Variants in MMD2 observed in about 807,000 individuals in gnomAD.
MMD2 encodes the protein monocyte to macrophage differentiation associated 2, also known as monocyte to macrophage differentiation factor 2.
In MMD2, 30 loss-of-function variants were observed where a neutral mutation model predicts 33.5. That is an observed-to-expected ratio of 0.90 (90% CI 0.67 to 1.22). The LOEUF is 1.22. MMD2 is among the 50% of genes most tolerant of loss of function. The pLI is 0.00. For synonymous variants in MMD2, 129 were observed against 123.0 expected (o/e 1.05, Z -0.32); for missense variants, 364 against 325.4 (o/e 1.12, Z -0.91).
chr7:4,957,115 G>C (rs1295264191), intron 1 of MMD2, among the ~76,000 whole-genome samples: 1 of 151,164 alleles, frequency 6.6e-6, no homozygotes. Flanking sequence ...GCAGTGAGCT[G>C]AGATCACGCC....
chr7:4,951,343 G>A (rs564289922), intron 1 of MMD2, among the ~76,000 whole-genome samples: 125 of 152,036 alleles, frequency 8.2e-4, no homozygotes, highest in African/African-American at 1.4e-3. Context: ...AACAGTGGTC[G>A]GGTGTGCTCG....
Position 4,959,115 on chromosome 7 carries a change from G to C in MMD2, c.-98C>G. ...GCGGCAGCAGCAGGTTGGAGGGCGC[G>C]CGGCGGGGGCCAAGGGGACCTGGTC... On this transcript the variant is annotated 5_prime_UTR_variant, in exon 1 of 7. Transcript: ENST00000401401. The C allele has an allele frequency of 2.0e-6, 2 of 1,002,224 alleles. No individual in the cohort carries two copies. The highest frequency in any genetic ancestry group is 2.6e-6 in the Non-Finnish European group (2 of 776,086). The allele number at this position is 1,002,224 out of a possible 1,614,324, so 62.1% of individuals were successfully genotyped here. A position where few individuals can be genotyped will look rare whatever the true frequency, so the allele number is the denominator to read the frequency against.
At chr7:4,951,491 C>A (rs890679079) in intron 1 of MMD2, among the ~76,000 whole-genome samples, 1 of 152,110 alleles carries the variant, frequency 6.6e-6, no homozygotes, top group Non-Finnish European at 1.5e-5. Flanking sequence ...CTGGAAAACT[C>A]CTATTCATCC....
intron 4 of MMD2, 33 bp downstream of exon 4, chr7:4,915,972 C>G: frequency 6.2e-7 from 1 of 1,606,312 alleles, no homozygotes; most frequent in Non-Finnish European, 8.5e-7. Flanking sequence ...GAAAGGCCGC[C>G]AAGGGTTTGC....
Position 4,939,259 on chromosome 7 carries a change from C to G in MMD2, c.48-13727G>C, listed in dbSNP as rs1785835473. 3.3e-5 allele frequency among the ~76,000 whole-genome samples: 5 copies of G among 150,422 alleles called. No homozygotes were observed. The Admixed American group carries it at 3.3e-4, about 10-fold the overall frequency. ...GGGGAGGTGCTAGGTAAAAGGAATC[C>G]TGGAGGCTGGGCCCGGTGGCTCGTG... is the stretch of plus-strand genomic sequence containing the variant. On this transcript the variant is annotated intron_variant, in intron 1 of 6. Transcript: ENST00000401401.
At chr7:4,900,392 G>A in the MMD2 span, among the ~76,000 whole-genome samples, 1 of 152,094 alleles carries the variant, frequency 6.6e-6, no homozygotes, top group Admixed American at 6.6e-5. Flanking sequence ...AAAAAGGGAT[G>A]GTGTGCAGAG....
rs950894617 is a variant in MMD2, at chr7:4,946,660, C to T, written c.47+12311G>A. Among the ~76,000 whole-genome samples the T allele has an allele frequency of 6.6e-6, 1 of 152,146 alleles. No homozygotes were observed. The highest frequency in any genetic ancestry group is 2.4e-5 in the African/African-American group (1 of 41,432). On this transcript the variant is annotated intron_variant, in intron 1 of 6. Coordinates refer to ENST00000401401, the MANE Select transcript of MMD2 (RefSeq NM_198403.4). The surrounding 1 kb of genome is among the most constrained non-coding windows in gnomAD (Gnocchi z 5.0). ...GCCCTCATGGATCAACCTAGCACCA[C>T]GGGTGGCAGGTCTACCAGATATCTC...
chr7:4,942,598 T>C (rs1785940117), intron 1 of MMD2, among the ~76,000 whole-genome samples: 1 of 149,582 alleles, frequency 6.7e-6, no homozygotes, highest in African/African-American at 2.4e-5. Context: ...CCATTACACT[T>C]TCCATCCTGT....
At chr7:4,948,527 GAAA>G (rs767961259) in intron 1 of MMD2, among the ~76,000 whole-genome samples, 1 of 139,080 alleles carries the variant, frequency 7.2e-6, no homozygotes, top group African/African-American at 2.6e-5. Context: ...CCGTCTCACC[GAAA>G]AAAAAAAAAA....
chr7:4,924,585 G>A (rs1785373932), intron 2 of MMD2, among the ~76,000 whole-genome samples: 1 of 152,228 alleles, frequency 6.6e-6, no homozygotes, highest in East Asian at 1.9e-4. Flanking sequence ...GCATGGTGAT[G>A]GGCCGTGAAG....
At chr7:4,897,615 G>A in the MMD2 span, among the ~76,000 whole-genome samples, 1 of 152,228 alleles carries the variant, frequency 6.6e-6, no homozygotes, top group Non-Finnish European at 1.5e-5. Context: ...GTGTAAACAG[G>A]ACTGGTGGGA....
At chr7:4,945,056 T>G (rs1303894401) in intron 1 of MMD2, among the ~76,000 whole-genome samples, 1 of 150,836 alleles carries the variant, frequency 6.6e-6, no homozygotes, top group Non-Finnish European at 1.5e-5. Context: ...CTCCTTTTTC[T>G]TCTCCTTCCT....
At chr7:4,908,151 T>TG (rs1784910685) in intron 6 of MMD2, among the ~76,000 whole-genome samples, 1 of 151,622 alleles carries the variant, frequency 6.6e-6, no homozygotes, top group Admixed American at 6.6e-5. Context: ...GGTTTTGTTT[T>TG]TTTTTTTTTT....
At chr7:4,915,380 T>A (rs1785113544) in intron 4 of MMD2, among the ~76,000 whole-genome samples, 1 of 152,104 alleles carries the variant, frequency 6.6e-6, no homozygotes, top group African/African-American at 2.4e-5. Flanking sequence ...TACGTCTATG[T>A]CTATTACACA....
intron 1 of MMD2, among the ~76,000 whole-genome samples, chr7:4,939,359 C>A (rs572960943): frequency 2.6e-5 from 4 of 152,024 alleles, no homozygotes; most frequent in African/African-American, 9.6e-5. Context: ...GGCAACATAG[C>A]AAGACCCTTT....
chr7:4,892,703 A>G, the MMD2 span, among the ~76,000 whole-genome samples: 1 of 151,928 alleles, frequency 6.6e-6, no homozygotes, highest in African/African-American at 2.4e-5. Context: ...GATAGAGTTT[A>G]TGACTAATTG....
rs550343989 is a variant in MMD2, at chr7:4,919,959, C to T, written c.290+212G>A. 1.2e-4 allele frequency among the ~76,000 whole-genome samples: 19 copies of T among 152,280 alleles called. No homozygotes were observed. In the East Asian group the frequency reaches 1.5e-3, roughly 12 times the overall value. On this transcript the variant is annotated intron_variant, in intron 3 of 6. Transcript: ENST00000401401. ...CCAGGCTCCCGTGGGCGAGGTGGTC[C>T]GCCCTGAAGAGACTCAACCGCAGCC...
intron 4 of MMD2, among the ~76,000 whole-genome samples, chr7:4,914,667 G>A (rs116533136): frequency 0.017 from 2,572 of 152,102 alleles, 78 homozygotes; most frequent in African/African-American, 0.059. Flanking sequence ...ACGGTGGCTC[G>A]CACCTGTAAT....
chr7:4,922,321 G>A (rs1785308221), intron 2 of MMD2, among the ~76,000 whole-genome samples: 1 of 152,028 alleles, frequency 6.6e-6, no homozygotes, highest in Non-Finnish European at 1.5e-5. Context: ...TGTAATCCCA[G>A]CACTTTGGGA....
Sources: gnomAD v4.1 joint callset for allele counts (sites outside exome capture counted in the v4.1 genomes callset) on GRCh38, gnomAD v4.1.1 for gene constraint, Gnocchi (gnomAD v3.1) non-coding constraint, MANE v1.5 for transcripts, NCBI Gene and HGNC (gene_info 2026-07-23, HGNC 2026-07-21) for gene names.